The following F5 variants were observed in gnomAD, a reference collection of about 807,000 sequenced individuals.
The protein encoded by F5 is coagulation factor V.
Under a neutral mutation model 216.4 loss-of-function variants are expected in F5, and 138 were observed. That is an observed-to-expected ratio of 0.64 (90% confidence interval 0.56 to 0.73). The LOEUF is 0.73. Ranked by LOEUF, F5 falls within the 30% of genes least tolerant of loss-of-function variation. The pLI is 0.00. For missense variants in F5, 2,403 were observed against 2,674.0 expected, an observed-to-expected ratio of 0.90 and a Z score of 2.24; for synonymous variants, 916 against 930.7, an observed-to-expected ratio of 0.98 and a Z score of 0.29.
At chr1:169,563,198 G>T (rs1479922344) in intron 3 of F5, among the ~76,000 whole-genome samples, 1 of 151,906 alleles carries the variant, frequency 6.6e-6, no homozygotes, top group Non-Finnish European at 1.5e-5. Context: ...ATCATTTCTT[G>T]GTTTTGTTCC....
intron 2 of F5, among the ~76,000 whole-genome samples, chr1:169,575,345 C>T (rs1394952175): frequency 1.2e-4 from 19 of 152,178 alleles, no homozygotes; most frequent in Non-Finnish European, 2.5e-4. Flanking sequence ...AAGGTGAAGC[C>T]GAAGGCATCC....
rs763444875 is a variant in F5 at position 169,552,721 on chromosome 1, G to C, written c.1132C>G (p.Gln378Glu). 14 of 1,610,394 alleles carry C rather than the reference G, an allele frequency of 8.7e-6. No individual in the cohort carries two copies. The highest frequency in any genetic ancestry group is 1.2e-5 in the Non-Finnish European group (14 of 1,178,346). Residue 378 changes from glutamine to glutamate, a missense_variant, in exon 8 of 25, where the codon CAG becomes GAG. Around this residue, in one of 4 missense-constraint regions of F5, gnomAD observed 1,425 missense variants for 1,554.8 expected, o/e 0.92. Transcript: ENST00000367797. ...TGGTTTGAGAAATTATCCAAATGCTGAGACCTGTATTTTCTTAAAGTGAAG... is the reference window on the plus strand; with the variant it reads ...TGGTTTGAGAAATTATCCAAATGCTCAGACCTGTATTTTCTTAAAGTGAAG... ...PANMDKKYRS[Q>E]HLDNFSNQIG...
rs146985297 is a variant in F5, at chr1:169,554,586, C to T, written c.1118+596G>A. Among the ~76,000 whole-genome samples, 988 of 152,308 alleles carry T rather than the reference C, an allele frequency of 6.5e-3. 5 individuals carry two copies. Among genetic ancestry groups the T allele is most frequent in the Middle Eastern group, 0.02 (6 of 294 alleles). ...GATTTCCAGAGTGAGATAGCTGAGT[C>T]AAAGGGTATATGCATTTAGAATTTT... On this transcript the variant is annotated intron_variant, in intron 7 of 24. Transcript: ENST00000367797.
At chr1:169,562,921 C>T (rs10919193) in intron 3 of F5, among the ~76,000 whole-genome samples, 41,509 of 151,816 alleles carry the variant, frequency 0.27, 6,019 homozygotes, top group South Asian at 0.36. Flanking sequence ...CTTTTCATTC[C>T]TTCTTATGAA....
chr1:169,563,266 TG>T (rs536100895), intron 3 of F5, among the ~76,000 whole-genome samples: 102 of 152,228 alleles, frequency 6.7e-4, no homozygotes, highest in African/African-American at 2.5e-3. Context: ...TCTTTATCAC[TG>T]GTTTCCAGCA....
chr1:169,564,410 G>A (rs939923074), intron 3 of F5, among the ~76,000 whole-genome samples: 2 of 151,960 alleles, frequency 1.3e-5, no homozygotes, highest in Non-Finnish European at 2.9e-5. Context: ...TCAACCCATA[G>A]AGACTCTGTC....
intron 6 of F5, among the ~76,000 whole-genome samples, chr1:169,555,972 T>A (rs575277578): frequency 1.3e-5 from 2 of 152,352 alleles, no homozygotes; most frequent in East Asian, 3.9e-4. Flanking sequence ...TTTCCTATTG[T>A]GATATCATTT....
chr1:169,550,292 C>G lies in F5; in HGVS notation c.1397-277G>C, dbSNP rs1288183256. ...CTATCCCTCCCCCCGCCCCCCACCC[C>G]CCCCCCCCGACAGGCCCCGGTGTGT... is the stretch of plus-strand genomic sequence containing the variant. On this transcript the variant is annotated intron_variant, in intron 9 of 24. Transcript: ENST00000367797. 6.3e-3 allele frequency among the ~76,000 whole-genome samples: 465 copies of G among 74,200 alleles called. 7 individuals are homozygous for G. The highest frequency in any genetic ancestry group is 0.02 in the African/African-American group (438 of 22,096). The allele number at this position is 74,200 out of a possible 152,430, so 48.7% of individuals were successfully genotyped here. A position where few individuals can be genotyped will look rare whatever the true frequency, so the allele number is the denominator to read the frequency against.
chr1:169,560,474 C>T (rs1159633143), intron 4 of F5, 80 bp downstream of exon 4: 5 of 1,383,680 alleles, frequency 3.6e-6, no homozygotes, highest in South Asian at 1.2e-5. Context: ...TACCAAGATG[C>T]TCCCAAGCTT....
rs139303643 is a variant in F5 at position 169,567,392 on chromosome 1, A to AAAAG, written c.373+4828_373+4829insCTTT. The stretch of plus-strand genomic sequence containing the variant: ...AAAACTTAAAGTATAATAAAAAAAA[A>AAAAG]TCTCCCAAAGGCCCCACCTGCTAAT... On this transcript the variant is annotated intron_variant, in intron 3 of 24. Coordinates refer to ENST00000367797, the MANE Select transcript of F5 (RefSeq NM_000130.5). 4.6e-3 allele frequency among the ~76,000 whole-genome samples: 700 copies of AAAAG among 151,566 alleles called. 7 individuals are homozygous for AAAAG. The highest frequency in any genetic ancestry group is 0.016 in the African/African-American group (661 of 41,352).
chr1:169,547,597 C>T (rs538353404), intron 10 of F5, among the ~76,000 whole-genome samples: 8 of 152,290 alleles, frequency 5.3e-5, no homozygotes, highest in African/African-American at 1.9e-4. Context: ...AAACGCTCAA[C>T]ATCACTGATC....
intron 6 of F5, among the ~76,000 whole-genome samples, chr1:169,555,924 A>G (rs1328737835): frequency 6.6e-6 from 1 of 152,162 alleles, no homozygotes; most frequent in Non-Finnish European, 1.5e-5. Context: ...TCTCTTCCTT[A>G]TATGTGTTGC....
rs758936163 is a variant in F5 at position 169,520,543 on chromosome 1, T to A, written c.6170A>T (p.Glu2057Val). ...RAYNRPTLRL[E>V]LQGCEVNGCS... is the part of the protein sequence containing the mutation. ...ACCATTTACCTCACAACCTTGCAGT[T>A]CCAATCGAAGGGTAGGTCTGTTATA... The change falls in exon 22 of 25, where the codon GAA (glutamate) becomes GTA (valine). Residue 2057 changes from glutamate to valine, a missense_variant. By Grantham distance (121) the Glu-to-Val change is moderately radical. This residue lies in a region of F5 where 659 missense variants were observed against 787.9 expected (regional missense o/e 0.84). Coordinates refer to ENST00000367797, the MANE Select transcript of F5 (RefSeq NM_000130.5). 1 of 1,614,068 alleles carries A rather than the reference T, an allele frequency of 6.2e-7. No individual in the cohort carries two copies. Among genetic ancestry groups the A allele is most frequent in the Admixed American group, 1.7e-5 (1 of 60,030 alleles).
At chr1:169,543,493 G>A (rs1283140868) in intron 12 of F5, among the ~76,000 whole-genome samples, 1 of 152,056 alleles carries the variant, frequency 6.6e-6, no homozygotes, top group African/African-American at 2.4e-5. Flanking sequence ...ATTAAGAAAG[G>A]GATGAATCAA....
At chr1:169,521,792 A>C (rs1333121793) in intron 21 of F5, among the ~76,000 whole-genome samples, 1 of 145,266 alleles carries the variant, frequency 6.9e-6, no homozygotes, top group Non-Finnish European at 1.5e-5. Context: ...AATTTTTTTT[A>C]ATATTTTTAG....
rs1487591680 is a variant in F5 at position 169,541,759 on chromosome 1, C to T, written c.3331G>A (p.Ala1111Thr). The T allele has an allele frequency of 1.9e-6, 3 of 1,613,856 alleles. No individual in the cohort carries two copies. The Admixed American group carries it at 5.0e-5, about 27-fold the overall frequency. Residue 1111 changes from alanine to threonine, a missense_variant, in exon 13 of 25, where the codon GCA (alanine) becomes ACA (threonine). Coordinates refer to ENST00000367797, the MANE Select transcript of F5 (RefSeq NM_000130.5). ...NQNSSNDTGQ[A>T]SCPPGLYQTV... ...TGATAAAGACCTGGAGGACAGCTTG[C>T]CTGACCAGTGTCATTTGAGGAATTC...
At position 169,550,288 on chromosome 1, in the gene F5, ACCC is replaced by A. The variant is rs60015398; in HGVS notation, c.1397-276_1397-274del. Among the ~76,000 whole-genome samples the A allele has an allele frequency of 9.4e-4, 68 of 72,256 alleles. 2 individuals are homozygous for A. Among genetic ancestry groups the A allele is most frequent in the Middle Eastern group, 0.015 (2 of 136 alleles). The allele number at this position is 72,256 out of a possible 152,430, so 47.4% of individuals were successfully genotyped here. ...AATGCTATCCCTCCCCCCGCCCCCC[ACCC>A]CCCCCCCCCGACAGGCCCCGGTGTG... On this transcript the variant is annotated intron_variant, in intron 9 of 24. Coordinates refer to ENST00000367797, the MANE Select transcript of F5 (RefSeq NM_000130.5).
At chr1:169,553,963 A>G (rs1660247116) in intron 7 of F5, among the ~76,000 whole-genome samples, 1 of 152,216 alleles carries the variant, frequency 6.6e-6, no homozygotes, top group Non-Finnish European at 1.5e-5. Flanking sequence ...CATTTTATGA[A>G]TTTATTTTTC....
At chr1:169,572,475 T>A in intron 2 of F5, 132 bp from the exon 3 acceptor site, 1 of 1,052,164 alleles carries the variant, frequency 9.5e-7, no homozygotes, top group Non-Finnish European at 1.4e-6. Flanking sequence ...CTGACTCACT[T>A]ATTTTCAATC....
Sources: allele counts gnomAD v4.1 joint callset (sites outside exome capture counted in the v4.1 genomes callset), GRCh38; gene constraint gnomAD v4.1.1; regional missense constraint gnomAD v4.1.1; transcripts MANE v1.5; gene names NCBI Gene and HGNC (gene_info 2026-07-23, HGNC 2026-07-21).